The following CDH18 variants were observed in gnomAD, a reference collection of about 807,000 sequenced individuals.
The protein encoded by CDH18 is cadherin 18, also known as cadherin-18.
In CDH18, 31 loss-of-function variants were observed where a neutral mutation model predicts 67.9. The ratio of observed to expected loss-of-function variants is 0.46; its 90% CI spans 0.34 to 0.62. The LOEUF is 0.62. Among genes scored for constraint, CDH18 ranks in the 20% least tolerant of loss-of-function variants. The pLI is 0.01. For missense variants in CDH18, 890 were observed against 975.5 expected, an observed-to-expected ratio of 0.91 and a Z score of 1.17; for synonymous variants, 362 against 347.2, an observed-to-expected ratio of 1.04 and a Z score of -0.48.
chr5:20,548,951 C>T (rs1342897544), intron 1 of CDH18, among the ~76,000 whole-genome samples: 5 of 152,108 alleles, frequency 3.3e-5, no homozygotes, highest in East Asian at 3.9e-4. Context: ...TATGATGGAA[C>T]ATATAGGGTG....
intron 2 of CDH18, among the ~76,000 whole-genome samples, chr5:19,845,200 T>C (rs529980149): frequency 1.1e-4 from 16 of 152,266 alleles, no homozygotes; most frequent in African/African-American, 3.8e-4. Context: ...CAAATAAACA[T>C]AAATGATTCT....
At chr5:19,740,693 T>C (rs924483269) in intron 4 of CDH18, among the ~76,000 whole-genome samples, 1 of 152,182 alleles carries the variant, frequency 6.6e-6, no homozygotes, top group Non-Finnish European at 1.5e-5. Context: ...TCTTAATTTC[T>C]AAAATCATTC....
chr5:20,494,838 G>A (rs888021625), intron 1 of CDH18, among the ~76,000 whole-genome samples: 5 of 152,152 alleles, frequency 3.3e-5, no homozygotes, highest in East Asian at 3.9e-4. Context: ...AAGAAGTAGC[G>A]GAGGAAAGGA....
At chr5:19,487,661 A>G (rs915594040) in intron 11 of CDH18, among the ~76,000 whole-genome samples, 1 of 152,134 alleles carries the variant, frequency 6.6e-6, no homozygotes, top group Non-Finnish European at 1.5e-5. Context: ...ATGTATTTTA[A>G]TATTTAAAAA....
intron 3 of CDH18, among the ~76,000 whole-genome samples, chr5:19,786,407 T>A (rs936643718): frequency 2.0e-5 from 3 of 152,176 alleles, no homozygotes; most frequent in Non-Finnish European, 4.4e-5. Flanking sequence ...AGAAATAAAG[T>A]AATTGCTTCA....
chr5:20,155,985 G>A (rs182147898), intron 2 of CDH18, among the ~76,000 whole-genome samples: 5 of 152,004 alleles, frequency 3.3e-5, no homozygotes, highest in South Asian at 2.1e-4. Context: ...GAAAAAATAC[G>A]CAACATCACT....
intron 2 of CDH18, among the ~76,000 whole-genome samples, chr5:20,119,863 T>C: frequency 6.6e-6 from 1 of 152,194 alleles, no homozygotes; most frequent in South Asian, 2.1e-4. Context: ...CAACAGCATC[T>C]AATTGTAGTT....
intron 7 of CDH18, among the ~76,000 whole-genome samples, chr5:19,584,800 A>AAAG (rs1554052860): frequency 6.7e-6 from 1 of 148,696 alleles, no homozygotes; most frequent in Non-Finnish European, 1.5e-5. Flanking sequence ...ATACAAAAAA[A>AAAG]AAAAAAAAAA....
At chr5:20,260,999 A>G (rs1315578882) in intron 1 of CDH18, among the ~76,000 whole-genome samples, 1 of 152,240 alleles carries the variant, frequency 6.6e-6, no homozygotes, top group African/African-American at 2.4e-5. Context: ...GGCCTGATTT[A>G]CAAAAACTAT....
intron 4 of CDH18, among the ~76,000 whole-genome samples, chr5:19,725,401 G>A (rs1262595489): frequency 6.6e-6 from 1 of 152,138 alleles, no homozygotes; most frequent in South Asian, 2.1e-4. Flanking sequence ...CTGTTGTTAG[G>A]TACCCAGATT....
intron 3 of CDH18, among the ~76,000 whole-genome samples, chr5:19,767,915 T>C (rs1316050672): frequency 6.6e-6 from 1 of 152,068 alleles, no homozygotes; most frequent in East Asian, 1.9e-4. Context: ...GAAAAATGTA[T>C]ATAAGAAAAA....
At chr5:19,608,379 A>G (rs1748412519) in intron 6 of CDH18, among the ~76,000 whole-genome samples, 1 of 151,672 alleles carries the variant, frequency 6.6e-6, no homozygotes, top group African/African-American at 2.4e-5. Context: ...GCATATTTTG[A>G]TGGGTCAAGG....
intron 2 of CDH18, among the ~76,000 whole-genome samples, chr5:20,087,774 A>C (rs1214208237): frequency 6.6e-6 from 1 of 152,176 alleles, no homozygotes; most frequent in East Asian, 1.9e-4. Flanking sequence ...GGTAAGACAA[A>C]TAATTTTTGT....
intron 1 of CDH18, among the ~76,000 whole-genome samples, chr5:20,350,134 C>T (rs1176221941): frequency 6.6e-6 from 1 of 152,112 alleles, no homozygotes; most frequent in African/African-American, 2.4e-5. Flanking sequence ...TCCTTGCTTA[C>T]TGATTTATTC....
chr5:19,779,476 G>A (rs184107762), intron 3 of CDH18, among the ~76,000 whole-genome samples: 76 of 152,224 alleles, frequency 5.0e-4, no homozygotes, highest in African/African-American at 1.8e-3. Flanking sequence ...GCAGTGGTAA[G>A]CAATCTATTG....
rs909936045 is a variant in CDH18, at chr5:20,342,515, C to T, written c.-579-87010G>A. ...GCTTCTACACCCATAACTAAAGTCC[C>T]GGCAGGACCCTAGAGGTAAAGTTGA... On this transcript the variant is annotated intron_variant, in intron 1 of 14. Coordinates refer to the CDH18 transcript ENST00000507958. Among the ~76,000 whole-genome samples, 22 of 152,270 alleles carry T rather than the reference C, an allele frequency of 1.4e-4. 1 individual carries two copies. The highest frequency in any genetic ancestry group is 3.9e-4 in the Admixed American group (6 of 15,298).
intron 2 of CDH18, among the ~76,000 whole-genome samples, chr5:20,251,710 G>A (rs1295272101): frequency 6.6e-6 from 1 of 152,064 alleles, no homozygotes; most frequent in Non-Finnish European, 1.5e-5. Context: ...TGAATGGATT[G>A]TAATTTGGTT....
intron 3 of CDH18, among the ~76,000 whole-genome samples, chr5:19,764,739 T>G (rs1206979235): frequency 6.6e-6 from 1 of 151,958 alleles, no homozygotes; most frequent in South Asian, 2.1e-4. Flanking sequence ...GGTTATGGGT[T>G]TTATTTGAGC....
intron 5 of CDH18, among the ~76,000 whole-genome samples, chr5:19,657,890 C>A (rs1349404033): frequency 6.6e-6 from 1 of 152,076 alleles, no homozygotes; most frequent in Non-Finnish European, 1.5e-5. Context: ...CCTTTAGGAA[C>A]TGTGTGCCAG....
Sources: allele counts gnomAD v4.1 joint callset (sites outside exome capture counted in the v4.1 genomes callset), GRCh38; gene constraint gnomAD v4.1.1; transcripts MANE v1.5; gene names NCBI Gene and HGNC (gene_info 2026-07-23, HGNC 2026-07-21).